The following ITGBL1 variants were observed in gnomAD, a reference collection of about 807,000 sequenced individuals.
The protein encoded by ITGBL1 is integrin beta-like protein 1.
In ITGBL1, 51 loss-of-function variants were observed where a neutral mutation model predicts 68.5. The ratio of observed to expected loss-of-function variants is 0.74; its 90% CI spans 0.59 to 0.94. ITGBL1 has a LOEUF of 0.94. Among genes scored for constraint, ITGBL1 ranks in the 40% least tolerant of loss-of-function variants. The pLI, the probability that ITGBL1 is intolerant of heterozygous loss-of-function variation, is 0.00. For missense variants in ITGBL1, 649 were observed against 647.4 expected (o/e 1.00, Z -0.03); for synonymous variants, 209 against 227.3 (o/e 0.92, Z 0.72).
In ITGBL1 at chr13:101,715,625, G is replaced by C. The variant is rs144243522; in HGVS notation, c.1456G>C (p.Glu486Gln). ...GGATGGATGGAATGGAAATGCATGT[G>C]AAATCTGGCTTGGCTCAGAATATCC... Reference protein sequence around the residue: ...CWDGWNGNACEIWLGSEYP With the variant: ...CWDGWNGNACQIWLGSEYP The change falls in exon 11 of 11, where the codon GAA becomes CAA. Residue 486 changes from glutamate to glutamine, a missense_variant. Coordinates refer to ENST00000376180, the MANE Select transcript of ITGBL1 (RefSeq NM_004791.3). 51 of 1,612,914 alleles carry C rather than the reference G, an allele frequency of 3.2e-5. No homozygotes were observed. Among genetic ancestry groups the C allele is most frequent in the Non-Finnish European group, 4.2e-5 (50 of 1,179,152 alleles).
chr13:101,485,533 G>A (rs144000837), intron 2 of ITGBL1, among the ~76,000 whole-genome samples: 4 of 152,130 alleles, frequency 2.6e-5, no homozygotes, highest in Admixed American at 6.5e-5. Flanking sequence ...GGCCAGGTGC[G>A]GTGGTTCACG....
At chr13:101,676,163 A>T (rs1449922473) in intron 7 of ITGBL1, among the ~76,000 whole-genome samples, 1 of 151,950 alleles carries the variant, frequency 6.6e-6, no homozygotes, top group Non-Finnish European at 1.5e-5. Flanking sequence ...TTTTATTTTT[A>T]GTGAATCTGT....
chr13:101,510,566 A>C (rs901079955), intron 2 of ITGBL1, among the ~76,000 whole-genome samples: 2 of 152,150 alleles, frequency 1.3e-5, no homozygotes, highest in African/African-American at 4.8e-5. Flanking sequence ...TCTTTGAGAA[A>C]TCTCCAAACT....
At chr13:101,582,956 T>A (rs1209605475) in intron 5 of ITGBL1, among the ~76,000 whole-genome samples, 1 of 152,222 alleles carries the variant, frequency 6.6e-6, no homozygotes, top group African/African-American at 2.4e-5. Context: ...GTTTTAGTGT[T>A]ATCTTTGAAG....
chr13:101,528,354 T>C (rs2049415723), intron 2 of ITGBL1, among the ~76,000 whole-genome samples: 1 of 151,732 alleles, frequency 6.6e-6, no homozygotes, highest in African/African-American at 2.4e-5. Context: ...ATTTGTTTAT[T>C]ACTTGTGTTT....
intron 7 of ITGBL1, among the ~76,000 whole-genome samples, chr13:101,629,372 T>C (rs1461591701): frequency 2.0e-5 from 3 of 152,168 alleles, no homozygotes; most frequent in Non-Finnish European, 2.9e-5. Flanking sequence ...CCATTTTTAA[T>C]TTTGTGTCTT....
chr13:101,705,292 C>CAAAAAAAA (rs66461824), intron 8 of ITGBL1, among the ~76,000 whole-genome samples: 12 of 104,954 alleles, frequency 1.1e-4, no homozygotes, highest in Non-Finnish European at 1.5e-4. Flanking sequence ...ATTTAAAAAG[C>CAAAAAAAA]AAAAAAAAAA....
chr13:101,565,692 A>G (rs970863066), intron 2 of ITGBL1, among the ~76,000 whole-genome samples: 2 of 152,178 alleles, frequency 1.3e-5, no homozygotes, highest in Admixed American at 1.3e-4. Flanking sequence ...AGGATATATG[A>G]GGCTCATTAG....
chr13:101,524,378 G>A (rs1468105789), intron 2 of ITGBL1, among the ~76,000 whole-genome samples: 1 of 100,474 alleles, frequency 1.0e-5, no homozygotes, highest in East Asian at 3.1e-4. Context: ...AAAACTCAAT[G>A]TATTCTTATT....
At chr13:101,629,466 TG>T (rs1335692668) in intron 7 of ITGBL1, among the ~76,000 whole-genome samples, 1 of 152,132 alleles carries the variant, frequency 6.6e-6, no homozygotes, top group Non-Finnish European at 1.5e-5. Context: ...TTTATCCTAA[TG>T]GTTACCTTAT....
intron 2 of ITGBL1, among the ~76,000 whole-genome samples, chr13:101,543,357 C>A (rs972285731): frequency 1.3e-5 from 2 of 152,162 alleles, no homozygotes; most frequent in East Asian, 1.9e-4. Flanking sequence ...GTTGAAAATT[C>A]TTTTCTTTAC....
chr13:101,463,930 A>T (rs1248367603), intron 2 of ITGBL1, among the ~76,000 whole-genome samples: 3 of 141,924 alleles, frequency 2.1e-5, no homozygotes, highest in Non-Finnish European at 4.5e-5. Flanking sequence ...TTTTTCCGAG[A>T]CAGATTCTCG....
chr13:101,494,521 C>T (rs2048827562), intron 2 of ITGBL1, among the ~76,000 whole-genome samples: 1 of 152,192 alleles, frequency 6.6e-6, no homozygotes, highest in African/African-American at 2.4e-5. Flanking sequence ...TTCTCACATA[C>T]AGAGCTCTAA....
chr13:101,592,393 A>G (rs1006513942), intron 6 of ITGBL1, among the ~76,000 whole-genome samples: 3 of 152,128 alleles, frequency 2.0e-5, no homozygotes, highest in Non-Finnish European at 4.4e-5. Flanking sequence ...AGAAATTAAG[A>G]AAACAATTTT....
chr13:101,611,394 T>C (rs537178762), intron 7 of ITGBL1, among the ~76,000 whole-genome samples: 2 of 152,300 alleles, frequency 1.3e-5, no homozygotes, highest in African/African-American at 2.4e-5. Context: ...ACTTAACTAC[T>C]GACAGAAGAT....
At chr13:101,655,793 A>G (rs868582323) in intron 7 of ITGBL1, among the ~76,000 whole-genome samples, 1 of 152,346 alleles carries the variant, frequency 6.6e-6, no homozygotes, top group Middle Eastern at 3.4e-3. Flanking sequence ...ACAAGTGATA[A>G]TTGGCAATGC....
At chr13:101,656,276 G>A (rs1156632556) in intron 7 of ITGBL1, among the ~76,000 whole-genome samples, 4 of 152,162 alleles carry the variant, frequency 2.6e-5, no homozygotes, top group Non-Finnish European at 4.4e-5. Context: ...TAGACTTTTA[G>A]TTAATCTCTT....
At chr13:101,622,147 TAAAC>T (rs1246692674) in intron 7 of ITGBL1, among the ~76,000 whole-genome samples, 5 of 152,182 alleles carry the variant, frequency 3.3e-5, no homozygotes, top group Admixed American at 3.3e-4. Context: ...CTTTTGTTCT[TAAAC>T]AAGGCTTCTA....
intron 2 of ITGBL1, among the ~76,000 whole-genome samples, chr13:101,509,847 T>C (rs1320503181): frequency 6.6e-6 from 1 of 152,192 alleles, no homozygotes; most frequent in Non-Finnish European, 1.5e-5. Flanking sequence ...ATTAACTTCA[T>C]GTCAGAATTC....
Sources: gnomAD v4.1 joint callset for allele counts (sites outside exome capture counted in the v4.1 genomes callset) on GRCh38, gnomAD v4.1.1 for gene constraint, MANE v1.5 for transcripts, NCBI Gene and HGNC (gene_info 2026-07-23, HGNC 2026-07-21) for gene names.